Variants in CERK observed in about 807,000 individuals in gnomAD.
The protein encoded by CERK is acylsphingosine kinase.
A neutral mutation model predicts 63.4 loss-of-function variants in CERK; 39 were observed. The ratio of observed to expected loss-of-function variants is 0.61; its 90% CI spans 0.48 to 0.80. The LOEUF (loss-of-function observed/expected upper bound fraction) is 0.80, where lower values mean the gene tolerates loss of function less well. Among genes scored for constraint, CERK ranks in the 30% least tolerant of loss-of-function variants. CERK has a pLI of 0.00. For synonymous variants in CERK, 302 were observed against 280.0 expected (o/e 1.08, Z -0.78); for missense variants, 670 against 714.1 (o/e 0.94, Z 0.70).
chr22:46,737,602 T>G (rs963061891), intron 1 of CERK, among the ~76,000 whole-genome samples: 3 of 152,078 alleles, frequency 2.0e-5, no homozygotes, highest in Non-Finnish European at 4.4e-5. Flanking sequence ...AAAGCATCTG[T>G]TCTTGGAGTA....
At chr22:46,699,703 A>C (rs538504981) in intron 7 of CERK, among the ~76,000 whole-genome samples, 1 of 152,338 alleles carries the variant, frequency 6.6e-6, no homozygotes, top group East Asian at 1.9e-4. Flanking sequence ...TCCTGTGGGG[A>C]CTGAACAAGA....
intron 6 of CERK, among the ~76,000 whole-genome samples, chr22:46,702,695 G>A (rs1421427513): frequency 6.6e-6 from 1 of 152,242 alleles, no homozygotes; most frequent in Admixed American, 6.5e-5. Flanking sequence ...CCCTGCTTCA[G>A]CCCGATGTTC....
At chr22:46,721,037 C>T (rs1175318524) in intron 1 of CERK, 22 bp from the exon 2 acceptor site, 2 of 1,484,074 alleles carry the variant, frequency 1.3e-6, no homozygotes, top group Non-Finnish European at 1.9e-6. Flanking sequence ...CCACGTCCTT[C>T]TGTCAAAGAA....
At position 46,695,205 on chromosome 22, in the gene CERK, C is replaced by T. The variant is rs778071127; in HGVS notation, c.1049+5G>A. On this transcript the variant is annotated splice_donor_5th_base_variant and intron_variant, in intron 9 of 12. Transcript: ENST00000216264. ...CAAGAGAAACACACAAAGCAATGCA[C>T]TTACCCTGCCCGGCAGGGCTTCCTA... 1 of 1,475,656 alleles carries T rather than the reference C, an allele frequency of 6.8e-7. No homozygotes were observed. Among genetic ancestry groups the T allele is most frequent in the South Asian group, 1.1e-5 (1 of 87,036 alleles). 91.4% of individuals were successfully genotyped at this position (1,475,656 alleles called of 1,614,324 possible). A position where few individuals can be genotyped will look rare whatever the true frequency, so the allele number is the denominator to read the frequency against.
intron 11 of CERK, among the ~76,000 whole-genome samples, chr22:46,690,997 ATG>A (rs935347160): frequency 6.7e-6 from 1 of 148,254 alleles, no homozygotes; most frequent in Non-Finnish European, 1.5e-5. Context: ...ATATGTATGT[ATG>A]TGTATGTATA....
At chr22:46,697,433 T>G (rs2082761979) in intron 8 of CERK, among the ~76,000 whole-genome samples, 1 of 152,134 alleles carries the variant, frequency 6.6e-6, no homozygotes, top group South Asian at 2.1e-4. Context: ...CCCGAGTAAC[T>G]GGGGTGCCCG....
chr22:46,693,895 G>C (rs1231062461), intron 9 of CERK: 1 of 241,010 alleles, frequency 4.1e-6, no homozygotes, highest in Non-Finnish European at 8.3e-6. Context: ...GGGTTTATCT[G>C]TTACAGTCAA....
intron 1 of CERK, among the ~76,000 whole-genome samples, chr22:46,725,412 G>A (rs368432589): frequency 7.2e-5 from 11 of 152,050 alleles, no homozygotes; most frequent in East Asian, 1.9e-4. Flanking sequence ...GAATGCGGAC[G>A]GTCCTCTAGA....
At chr22:46,700,315 C>G (rs1226868774) in intron 7 of CERK, among the ~76,000 whole-genome samples, 1 of 152,120 alleles carries the variant, frequency 6.6e-6, no homozygotes, top group Non-Finnish European at 1.5e-5. Context: ...ATCGCTTGAA[C>G]CCGGGAGGCG....
Position 46,685,826 on chromosome 22 carries a change from C to T in CERK, c.*1308G>A, listed in dbSNP as rs1237534381. 1 of 152,180 alleles carries T rather than the reference C, an allele frequency of 6.6e-6. No individual in the cohort carries two copies. Among genetic ancestry groups the T allele is most frequent in the Non-Finnish European group, 1.5e-5 (1 of 68,038 alleles). The allele number at this position is 152,180 out of a possible 1,614,324, so 9.4% of individuals were successfully genotyped here. A position where few individuals can be genotyped will look rare whatever the true frequency, so the allele number is the denominator to read the frequency against. On this transcript the variant is annotated 3_prime_UTR_variant, in exon 13 of 13. Transcript: ENST00000216264. ...GGATGCTGCCTGTTAAACATGAAATCACTAAGGGAGCTTCTGCAAAACCCA... is the reference window on the plus strand; with the variant it reads ...GGATGCTGCCTGTTAAACATGAAATTACTAAGGGAGCTTCTGCAAAACCCA...
intron 3 of CERK, among the ~76,000 whole-genome samples, chr22:46,719,076 T>C (rs539612578): frequency 6.6e-6 from 1 of 152,070 alleles, no homozygotes; most frequent in African/African-American, 2.4e-5. Context: ...TCAAAAAAAA[T>C]TGCCTATTAA....
intron 1 of CERK, among the ~76,000 whole-genome samples, chr22:46,727,549 C>A (rs958462116): frequency 3.3e-5 from 5 of 151,986 alleles, no homozygotes; most frequent in African/African-American, 4.8e-5. Flanking sequence ...ATCCACTCAG[C>A]CTCCCAAAGT....
intron 1 of CERK, among the ~76,000 whole-genome samples, chr22:46,721,835 CG>C (rs1384801175): frequency 1.3e-5 from 2 of 152,124 alleles, no homozygotes; most frequent in African/African-American, 4.8e-5. Flanking sequence ...ATGACAGCAC[CG>C]GACATGCTCC....
Position 46,686,579 on chromosome 22 carries a change from C to G in CERK, c.*555G>C, listed in dbSNP as rs1469682860. On this transcript the variant is annotated 3_prime_UTR_variant, in exon 13 of 13. Coordinates refer to ENST00000216264, the MANE Select transcript of CERK (RefSeq NM_022766.6). ...CGTGGAGGCCCCTCCCGCGGATCAC[C>G]TGAAGCAGGGCCACGTTGCATTGCA... 6.5e-6 allele frequency: 1 copy of G among 153,058 alleles called. No homozygotes were observed. Among genetic ancestry groups the G allele is most frequent in the Admixed American group, 6.5e-5 (1 of 15,466 alleles). 9.5% of individuals were successfully genotyped at this position (153,058 alleles called of 1,614,324 possible). A position where few individuals can be genotyped will look rare whatever the true frequency, so the allele number is the denominator to read the frequency against.
At chr22:46,689,305 AGGCCAGC>A (rs1278298178) in intron 12 of CERK, among the ~76,000 whole-genome samples, 1 of 152,234 alleles carries the variant, frequency 6.6e-6, no homozygotes, top group African/African-American at 2.4e-5. Flanking sequence ...GTGGCCCTTG[AGGCCAGC>A]GGTTCCCTGG....
intron 1 of CERK, among the ~76,000 whole-genome samples, chr22:46,734,614 C>T (rs2082963102): frequency 6.6e-6 from 1 of 152,154 alleles, no homozygotes; most frequent in Non-Finnish European, 1.5e-5. Flanking sequence ...CAACTATGTG[C>T]CTTAAAATGT....
chr22:46,701,379 C>T lies in CERK; in HGVS notation c.790+257G>A, dbSNP rs2082782851. On this transcript the variant is annotated intron_variant, in intron 7 of 12. Coordinates refer to ENST00000216264, the MANE Select transcript of CERK (RefSeq NM_022766.6). ...TCAGGTGAGCTGAGTACGGGCATCG[C>T]GCATGTGGTGGATTCCGTGGGAAAG... Among the ~76,000 whole-genome samples the T allele has an allele frequency of 3.9e-5, 6 of 152,234 alleles. No homozygotes were observed. The South Asian group carries it at 1.0e-3, about 26-fold the overall frequency.
chr22:46,693,621 G>T, intron 9 of CERK, 118 bp from the exon 10 acceptor site: 1 of 819,316 alleles, frequency 1.2e-6, no homozygotes, highest in Non-Finnish European at 2.0e-6. Context: ...CATTTCAAAG[G>T]CTTAACAAAA....
intron 1 of CERK, among the ~76,000 whole-genome samples, chr22:46,729,707 G>A (rs2082936132): frequency 1.3e-5 from 2 of 152,128 alleles, no homozygotes; most frequent in African/African-American, 2.4e-5. Flanking sequence ...CGTCAAACCT[G>A]AGATGACCCA....
Sources: gnomAD v4.1 joint callset for allele counts (sites outside exome capture counted in the v4.1 genomes callset) on GRCh38, gnomAD v4.1.1 for gene constraint, MANE v1.5 for transcripts, NCBI Gene and HGNC (gene_info 2026-07-23, HGNC 2026-07-21) for gene names.